Variants in OPHN1 observed in about 807,000 individuals in gnomAD.
The protein encoded by OPHN1 is oligophrenin 1.
Under a neutral mutation model 60.7 loss-of-function variants are expected in OPHN1, and 11 were observed. The observed-to-expected ratio is 0.18, with a 90% CI of 0.11 to 0.30. The LOEUF is 0.30. Ranked by LOEUF, OPHN1 falls within the 10% of genes least tolerant of loss-of-function variation. The probability of loss-of-function intolerance (pLI) is 1.00; values close to 1 mark genes in which losing one functional copy is unlikely to be tolerated. For missense variants in OPHN1, 449 were observed against 611.0 expected, an observed-to-expected ratio of 0.73 and a Z score of 2.80; for synonymous variants, 226 against 222.6, an observed-to-expected ratio of 1.02 and a Z score of -0.14.
chrX:68,139,082 A>AC (rs2077232115), intron 15 of OPHN1, among the ~76,000 whole-genome samples: 4 of 111,774 alleles, frequency 3.6e-5, no homozygotes, highest in Non-Finnish European at 7.5e-5. Flanking sequence ...CAGAATCAGA[A>AC]GAACGCGGAA....
chrX:68,368,561 G>A (rs1193064088), intron 2 of OPHN1, among the ~76,000 whole-genome samples: 1 of 109,758 alleles, frequency 9.1e-6, no homozygotes, highest in Non-Finnish European at 1.9e-5. Flanking sequence ...ACGCAACCAT[G>A]TATATGGGGA....
chrX:68,225,192 T>TG (rs1257575604), intron 6 of OPHN1, among the ~76,000 whole-genome samples: 5 of 111,950 alleles, frequency 4.5e-5, no homozygotes, highest in African/African-American at 1.6e-4. Context: ...CCGCCATTAC[T>TG]GAGGCTTGAG....
chrX:68,268,538 C>T (rs1307477600), intron 5 of OPHN1, among the ~76,000 whole-genome samples: 1 of 111,738 alleles, frequency 8.9e-6, no homozygotes, highest in Admixed American at 9.6e-5. Context: ...CAAAATTCAA[C>T]AACGCTTCAT....
intron 12 of OPHN1, among the ~76,000 whole-genome samples, chrX:68,196,538 T>C (rs2077513357): frequency 8.9e-6 from 1 of 112,270 alleles, no homozygotes; most frequent in African/African-American, 3.2e-5. Flanking sequence ...TATTATTTAA[T>C]ATGCCACTAA....
At chrX:68,351,006 G>A (rs760475409) in intron 2 of OPHN1, among the ~76,000 whole-genome samples, 45 of 111,642 alleles carry the variant, frequency 4.0e-4, no homozygotes, top group African/African-American at 1.5e-3. Flanking sequence ...TCAGCTCACT[G>A]CAACTTCCGC....
intron 15 of OPHN1, among the ~76,000 whole-genome samples, chrX:68,161,880 C>T (rs777886189): frequency 9.9e-5 from 11 of 111,217 alleles, no homozygotes; most frequent in Non-Finnish European, 1.9e-4. Flanking sequence ...TAACGGAATA[C>T]TATATGGCAG....
rs1481569884 is a variant in OPHN1 at position 68,194,999 on chromosome X, AAAGAAAGGAAGGAAGG to A, written c.1105-517_1105-502del. Among the ~76,000 whole-genome samples, 210 of 72,014 alleles carry A rather than the reference AAAGAAAGGAAGGAAGG, an allele frequency of 2.9e-3. 2 individuals carry two copies. The highest frequency in any genetic ancestry group is 5.6e-3 in the Admixed American group (37 of 6,604). 62.5% of individuals were successfully genotyped at this position (72,014 alleles called of 115,157 possible). On this transcript the variant is annotated intron_variant, in intron 12 of 24. Coordinates refer to ENST00000355520, the MANE Select transcript of OPHN1 (RefSeq NM_002547.3). ...AAGAAAGAAAGAAAGAGAGAGAGAG[AAAGAAAGGAAGGAAGG>A]AAGGAAGGAAGGAAGGAAGGAAGGA...
intron 2 of OPHN1, among the ~76,000 whole-genome samples, chrX:68,393,925 T>C (rs2078668752): frequency 1.4e-5 from 1 of 70,231 alleles, no homozygotes; most frequent in Non-Finnish European, 2.7e-5. Flanking sequence ...AGACGGAGTC[T>C]CGCTCTGTTG....
At chrX:68,230,298 A>G (rs982176069) in intron 6 of OPHN1, among the ~76,000 whole-genome samples, 10 of 111,572 alleles carry the variant, frequency 9.0e-5, no homozygotes, top group Non-Finnish European at 1.7e-4. Context: ...AAATAGGAAC[A>G]CTTTTACACT....
chrX:68,110,752 T>A (rs1001093433), intron 18 of OPHN1, among the ~76,000 whole-genome samples: 4 of 112,520 alleles, frequency 3.6e-5, no homozygotes, highest in African/African-American at 1.3e-4. Flanking sequence ...ACACTGGCAA[T>A]AAATATAAAA....
At chrX:68,250,645 G>A (rs1394419699) in intron 5 of OPHN1, among the ~76,000 whole-genome samples, 4 of 111,706 alleles carry the variant, frequency 3.6e-5, no homozygotes, top group African/African-American at 9.8e-5. Flanking sequence ...CCTTGTTCGT[G>A]TTTGGTATTT....
intron 21 of OPHN1, among the ~76,000 whole-genome samples, chrX:68,058,189 C>T (rs2076880329): frequency 9.1e-6 from 1 of 110,183 alleles, no homozygotes; most frequent in South Asian, 4.0e-4. Flanking sequence ...TTTTCTCTCT[C>T]TGAAACCTAA....
intron 16 of OPHN1, among the ~76,000 whole-genome samples, chrX:68,114,820 ACTC>A (rs2077120712): frequency 9.1e-6 from 1 of 110,230 alleles, no homozygotes; most frequent in Non-Finnish European, 1.9e-5. Flanking sequence ...TAAAGAAAGA[ACTC>A]CTTCTTTGAT....
intron 6 of OPHN1, among the ~76,000 whole-genome samples, chrX:68,224,425 A>T (rs771931447): frequency 2.7e-5 from 3 of 111,761 alleles, no homozygotes; most frequent in Non-Finnish European, 5.6e-5. Flanking sequence ...TAGGAGGGCA[A>T]GGCGGGAAGA....
At chrX:68,224,774 T>A (rs2077681370) in intron 6 of OPHN1, among the ~76,000 whole-genome samples, 1 of 112,305 alleles carries the variant, frequency 8.9e-6, no homozygotes, top group African/African-American at 3.2e-5. Flanking sequence ...GATGGCTGAA[T>A]AGGAACAGCT....
At chrX:68,260,889 CAACACT>C (rs1337634650) in intron 5 of OPHN1, among the ~76,000 whole-genome samples, 2 of 110,867 alleles carry the variant, frequency 1.8e-5, no homozygotes, top group Non-Finnish European at 3.8e-5. Context: ...GAATGCAGAC[CAACACT>C]AACACCTTTG....
In OPHN1 at chrX:68,052,527, C is replaced by T. The variant is rs2076856418; in HGVS notation, c.2375+13G>A. The T allele has an allele frequency of 2.5e-6, 3 of 1,201,273 alleles. No individual in the cohort carries two copies. The highest frequency in any genetic ancestry group is 3.4e-6 in the Non-Finnish European group (3 of 889,063). On this transcript the variant is annotated intron_variant, in intron 23 of 24. Coordinates refer to ENST00000355520, the MANE Select transcript of OPHN1 (RefSeq NM_002547.3). ...GGCGATTTGGTTTTTCTTTTGTCAC[C>T]TCCATATCTTACCTTCCTGTTTTCC...
At chrX:68,314,466 A>C (rs1031549559) in intron 2 of OPHN1, among the ~76,000 whole-genome samples, 1 of 110,752 alleles carries the variant, frequency 9.0e-6, no homozygotes, top group Non-Finnish European at 1.9e-5. Context: ...AGTTGCAGTG[A>C]GCCGAGATCG....
chrX:68,099,022 G>T (rs2077048092), intron 18 of OPHN1, among the ~76,000 whole-genome samples: 1 of 111,017 alleles, frequency 9.0e-6, no homozygotes, highest in African/African-American at 3.3e-5. Context: ...TAACTTTTCT[G>T]GAGAAATCAA....
Sources: allele counts gnomAD v4.1 joint callset (sites outside exome capture counted in the v4.1 genomes callset), GRCh38; gene constraint gnomAD v4.1.1; transcripts MANE v1.5; gene names NCBI Gene and HGNC (gene_info 2026-07-23, HGNC 2026-07-21).